C8orf34: variants seen among roughly 807,000 people sequenced by gnomAD.
C8orf34 encodes the protein chromosome 8 open reading frame 34.
A neutral mutation model predicts 68.3 loss-of-function variants in C8orf34; 65 were observed. That is an observed-to-expected ratio of 0.95 (90% CI 0.78 to 1.17). C8orf34 has a LOEUF of 1.17. Ranked by LOEUF, C8orf34 falls within the 50% of genes most tolerant of loss-of-function variation. C8orf34 has a pLI of 0.00. For missense variants in C8orf34, 664 were observed against 655.4 expected (o/e 1.01, Z -0.14); for synonymous variants, 244 against 241.2 (o/e 1.01, Z -0.11).
At chr8:68,404,474 C>T (rs1002422505) in intron 1 of C8orf34, among the ~76,000 whole-genome samples, 1 of 152,042 alleles carries the variant, frequency 6.6e-6, no homozygotes, top group East Asian at 1.9e-4. Context: ...AATGGTATTG[C>T]CTCGGTTTTC....
rs566460944 is a variant in C8orf34 at position 68,787,537 on chromosome 8, G to T, written c.1549+1G>T. 4.4e-6 allele frequency: 7 copies of T among 1,597,070 alleles called. No homozygotes were observed. Among genetic ancestry groups the T allele is most frequent in the South Asian group, 2.2e-5 (2 of 89,234 alleles). ...GGAGTGGAAGCAGAACAAGAGAAAC[G>T]TGAGTAGACACTATTGTTTATTGAC... On this transcript the variant is annotated splice_donor_variant, in intron 12 of 13. Transcript: ENST00000518698. LOFTEE classifies it high-confidence loss of function.
At chr8:68,569,613 C>T (rs1323305634) in intron 7 of C8orf34, among the ~76,000 whole-genome samples, 1 of 152,180 alleles carries the variant, frequency 6.6e-6, no homozygotes, top group Non-Finnish European at 1.5e-5. Context: ...TATCCTCTTC[C>T]CAAATCACCT....
At chr8:68,373,899 C>T (rs1025606037) in intron 1 of C8orf34, among the ~76,000 whole-genome samples, 2 of 152,012 alleles carry the variant, frequency 1.3e-5, no homozygotes, top group Non-Finnish European at 2.9e-5. Context: ...TATTCTAGTT[C>T]TTTCCTTTCT....
chr8:68,777,224 T>C (rs970879099), intron 11 of C8orf34, among the ~76,000 whole-genome samples: 3 of 152,214 alleles, frequency 2.0e-5, no homozygotes, highest in Non-Finnish European at 4.4e-5. Context: ...CTGTGGGTGA[T>C]AGGCCACCTC....
chr8:68,620,443 A>C (rs1386684204), intron 7 of C8orf34, among the ~76,000 whole-genome samples: 2 of 152,102 alleles, frequency 1.3e-5, no homozygotes, highest in Non-Finnish European at 2.9e-5. Context: ...GGGTCTAGTC[A>C]CCAGGGAGAA....
At chr8:68,736,611 A>C (rs1238418305) in intron 10 of C8orf34, among the ~76,000 whole-genome samples, 2 of 152,088 alleles carry the variant, frequency 1.3e-5, no homozygotes, top group Non-Finnish European at 2.9e-5. Flanking sequence ...AATGAAACAT[A>C]ATTTTTATCG....
intron 1 of C8orf34, among the ~76,000 whole-genome samples, chr8:68,369,486 C>A (rs1807463808): frequency 6.6e-6 from 1 of 152,162 alleles, no homozygotes; most frequent in Non-Finnish European, 1.5e-5. Context: ...TGGTCGTAAT[C>A]AATTTTCCAT....
At chr8:68,335,276 A>T (rs1805802902) in intron 1 of C8orf34, among the ~76,000 whole-genome samples, 1 of 152,204 alleles carries the variant, frequency 6.6e-6, no homozygotes, top group African/African-American at 2.4e-5. Flanking sequence ...ATTTGTCGTT[A>T]ATAAAGGTAA....
intron 9 of C8orf34, among the ~76,000 whole-genome samples, chr8:68,718,035 G>A (rs538124575): frequency 3.9e-5 from 6 of 152,208 alleles, no homozygotes; most frequent in African/African-American, 1.4e-4. Context: ...CTTCACTTAT[G>A]CCATCCTTCC....
intron 5 of C8orf34, among the ~76,000 whole-genome samples, chr8:68,495,782 A>G (rs1813498245): frequency 6.6e-6 from 1 of 152,200 alleles, no homozygotes; most frequent in African/African-American, 2.4e-5. Flanking sequence ...AATCTGTGCA[A>G]TTGGTTATGT....
intron 7 of C8orf34, among the ~76,000 whole-genome samples, chr8:68,605,317 A>G (rs570231751): frequency 6.6e-6 from 1 of 152,282 alleles, no homozygotes; most frequent in African/African-American, 2.4e-5. Flanking sequence ...TTATAAAACT[A>G]AATATACTTT....
At chr8:68,379,915 A>C (rs1392658619) in intron 1 of C8orf34, among the ~76,000 whole-genome samples, 2 of 152,200 alleles carry the variant, frequency 1.3e-5, no homozygotes, top group Admixed American at 6.5e-5. Context: ...GCAGTGGCAC[A>C]ATTATGGCTC....
intron 9 of C8orf34, among the ~76,000 whole-genome samples, chr8:68,710,913 C>T (rs1821313354): frequency 6.6e-6 from 1 of 152,206 alleles, no homozygotes; most frequent in Non-Finnish European, 1.5e-5. Flanking sequence ...ACAGGGTCCA[C>T]TTCACTCCCC....
chr8:68,672,076 G>T (rs1257450348), intron 8 of C8orf34, among the ~76,000 whole-genome samples: 1 of 152,106 alleles, frequency 6.6e-6, no homozygotes, highest in Non-Finnish European at 1.5e-5. Flanking sequence ...CCAGAGAAAG[G>T]AGTAGATCTC....
intron 12 of C8orf34, among the ~76,000 whole-genome samples, chr8:68,794,730 G>C (rs560216271): frequency 2.6e-5 from 4 of 151,190 alleles, no homozygotes; most frequent in Admixed American, 1.3e-4. Flanking sequence ...CAAGTGATCT[G>C]TCTGCCTCAG....
chr8:68,533,943 G>A (rs917042025), intron 7 of C8orf34: 9 of 841,448 alleles, frequency 1.1e-5, no homozygotes, highest in South Asian at 1.1e-4. Context: ...ACAATATGCT[G>A]TTGTATTTTA....
chr8:68,649,363 C>A (rs1044393154), intron 8 of C8orf34, among the ~76,000 whole-genome samples: 1 of 152,152 alleles, frequency 6.6e-6, no homozygotes, highest in African/African-American at 2.4e-5. Flanking sequence ...TACTTGTATA[C>A]CAGCTAGAAT....
chr8:68,444,118 A>G (rs1204108475), intron 2 of C8orf34, among the ~76,000 whole-genome samples: 7 of 152,208 alleles, frequency 4.6e-5, no homozygotes, highest in African/African-American at 1.4e-4. Context: ...TGTATCAAGC[A>G]AAGTGTTTTC....
intron 1 of C8orf34, among the ~76,000 whole-genome samples, chr8:68,403,559 G>C (rs918139132): frequency 2.6e-5 from 4 of 151,682 alleles, no homozygotes; most frequent in Middle Eastern, 3.2e-3. Flanking sequence ...GACAGGCCTT[G>C]GTGTGTGATG....
Sources: gnomAD v4.1 joint callset for allele counts (sites outside exome capture counted in the v4.1 genomes callset) on GRCh38, gnomAD v4.1.1 for gene constraint, MANE v1.5 for transcripts, NCBI Gene and HGNC (gene_info 2026-07-23, HGNC 2026-07-21) for gene names.